Variants in RXFP1 observed in about 807,000 individuals in gnomAD.
RXFP1 encodes the protein relaxin receptor 1.
RXFP1 carries 73 observed loss-of-function variants against 89.8 expected under a neutral mutation model. The observed-to-expected ratio is 0.81, with a 90% confidence interval of 0.67 to 0.99. The LOEUF (loss-of-function observed/expected upper bound fraction) is 0.99. RXFP1 is among the 50% of genes least tolerant of loss of function. The pLI is 0.00. For missense variants in RXFP1, 793 were observed against 895.5 expected (o/e 0.89, Z 1.46); for synonymous variants, 277 against 305.5 (o/e 0.91, Z 0.97).
At chr4:158,590,954 C>T (rs1169867492) in intron 2 of RXFP1, among the ~76,000 whole-genome samples, 2 of 152,158 alleles carry the variant, frequency 1.3e-5, no homozygotes, top group Non-Finnish European at 2.9e-5. Flanking sequence ...GAAGCATTTG[C>T]TTCTGTCACA....
chr4:158,617,886 C>T (rs1337598320), intron 9 of RXFP1, among the ~76,000 whole-genome samples: 1 of 152,058 alleles, frequency 6.6e-6, no homozygotes, highest in Non-Finnish European at 1.5e-5. Context: ...TTTCTAAGCT[C>T]ATAGCAGATT....
intron 4 of RXFP1, among the ~76,000 whole-genome samples, chr4:158,603,664 G>A (rs1454395056): frequency 6.6e-6 from 1 of 151,910 alleles, no homozygotes; most frequent in East Asian, 1.9e-4. Context: ...GGCCGAGGCA[G>A]GTGGATCACA....
intron 15 of RXFP1, chr4:158,646,445 T>G: frequency 2.4e-6 from 3 of 1,244,742 alleles, no homozygotes; most frequent in Non-Finnish European, 2.1e-6. Flanking sequence ...TCTGAGTCCC[T>G]AACTGAATGC....
chr4:158,607,962 A>AT lies in RXFP1; in HGVS notation c.465-6dup, dbSNP rs1187213898. On this transcript the variant is annotated splice_polypyrimidine_tract_variant and intron_variant, in intron 5 of 17. Transcript: ENST00000307765. ...TCATTTTTTTTTCTTTTTAATAATCATTTTCACAGGTACCTGCAAAACAAT... is the reference window on the plus strand; with the variant it reads ...TCATTTTTTTTTCTTTTTAATAATCATTTTTCACAGGTACCTGCAAAACAAT... 2 of 1,579,412 alleles carry AT rather than the reference A, an allele frequency of 1.3e-6. No individual in the cohort carries two copies. The highest frequency in any genetic ancestry group is 1.4e-5 in the African/African-American group (1 of 72,902).
At position 158,647,650 on chromosome 4, in the gene RXFP1, CT is replaced by C. The variant is rs1771821952; in HGVS notation, c.1756+451del. Among the ~76,000 whole-genome samples the C allele has an allele frequency of 3.3e-5, 5 of 152,166 alleles. No homozygotes were observed. In the South Asian group the frequency reaches 1.0e-3, roughly 32 times the overall value. On this transcript the variant is annotated intron_variant, in intron 16 of 17. Coordinates refer to ENST00000307765, the MANE Select transcript of RXFP1 (RefSeq NM_021634.4). ...TTGGGAGGCCAAGGTGGGAGGATCA[CT>C]TGAGGCCAGGAGTTGAGACCAGCCT...
chr4:158,620,612 T>A (rs11100191), intron 9 of RXFP1, among the ~76,000 whole-genome samples: 14 of 151,800 alleles, frequency 9.2e-5, no homozygotes, highest in Non-Finnish European at 1.8e-4. Context: ...AACTTTTTTT[T>A]AAAAGCCAGA....
intron 2 of RXFP1, among the ~76,000 whole-genome samples, chr4:158,592,302 G>A (rs1267525788): frequency 6.6e-6 from 1 of 152,180 alleles, no homozygotes; most frequent in Non-Finnish European, 1.5e-5. Flanking sequence ...GGCCAGGCAT[G>A]GTGGCTTACA....
At chr4:158,568,212 G>A (rs572282437) in intron 1 of RXFP1, among the ~76,000 whole-genome samples, 1 of 152,316 alleles carries the variant, frequency 6.6e-6, no homozygotes, top group Admixed American at 6.5e-5. Context: ...TCTAAGAACT[G>A]TTAACACTCA....
At chr4:158,521,770 A>C (rs551366466), upstream of RXFP1, 1 of 531,388 alleles carries the variant, frequency 1.9e-6, no homozygotes, top group Admixed American at 3.7e-5. Flanking sequence ...CGGGGAGGAG[A>C]GATCCTGAGA....
chr4:158,612,000 C>A, intron 6 of RXFP1, 130 bp from the exon 7 acceptor site: 1 of 678,306 alleles, frequency 1.5e-6, no homozygotes, highest in South Asian at 2.1e-5. Context: ...CTTAGAGATT[C>A]AAAGGCAGGG....
At chr4:158,579,375 T>A (rs1756888308) in intron 2 of RXFP1, among the ~76,000 whole-genome samples, 1 of 152,162 alleles carries the variant, frequency 6.6e-6, no homozygotes, top group Non-Finnish European at 1.5e-5. Context: ...TTCAAGCAAT[T>A]CTCCTGCCTC....
intron 1 of RXFP1, among the ~76,000 whole-genome samples, chr4:158,536,261 T>A (rs1343383078): frequency 6.6e-6 from 1 of 152,186 alleles, no homozygotes; most frequent in East Asian, 1.9e-4. Context: ...AGAATATAAT[T>A]TTACTCTCTC....
intron 17 of RXFP1, among the ~76,000 whole-genome samples, chr4:158,650,486 T>C (rs568010899): frequency 6.6e-6 from 1 of 150,936 alleles, no homozygotes; most frequent in Non-Finnish European, 1.5e-5. Context: ...AATTTTCATG[T>C]AGCAGGGCGC....
intron 1 of RXFP1, among the ~76,000 whole-genome samples, chr4:158,537,321 C>G (rs1293275639): frequency 6.6e-6 from 1 of 152,028 alleles, no homozygotes; most frequent in Non-Finnish European, 1.5e-5. Flanking sequence ...CTTTCCTTCC[C>G]TTGTCCCCCC....
chr4:158,636,549 T>C (rs373254882), intron 12 of RXFP1, among the ~76,000 whole-genome samples: 3 of 152,344 alleles, frequency 2.0e-5, no homozygotes, highest in East Asian at 3.9e-4. Flanking sequence ...GGCACTGTTC[T>C]AAGTGTTTTA....
At chr4:158,629,950 G>A (rs1440544916) in intron 11 of RXFP1, among the ~76,000 whole-genome samples, 1 of 152,142 alleles carries the variant, frequency 6.6e-6, no homozygotes, top group Non-Finnish European at 1.5e-5. Context: ...GAAAGAATCT[G>A]AATGTGGACA....
chr4:158,606,445 C>T (rs9942149), intron 5 of RXFP1, among the ~76,000 whole-genome samples: 33,800 of 152,098 alleles, frequency 0.22, 5,547 homozygotes, highest in African/African-American at 0.46. Context: ...AAAGTCTATA[C>T]CTTTAGACCT....
intron 2 of RXFP1, among the ~76,000 whole-genome samples, chr4:158,591,898 T>G (rs1363535832): frequency 6.6e-6 from 1 of 152,134 alleles, no homozygotes; most frequent in Non-Finnish European, 1.5e-5. Flanking sequence ...AGGAAAAAAT[T>G]TAGAAGGTCT....
intron 10 of RXFP1, 70 bp from the exon 11 acceptor site, chr4:158,628,568 C>G: frequency 5.9e-6 from 4 of 672,404 alleles, no homozygotes. Flanking sequence ...TTCTGCATAC[C>G]GTTCCTCTCT....
Sources: allele counts gnomAD v4.1 joint callset (sites outside exome capture counted in the v4.1 genomes callset), GRCh38; gene constraint gnomAD v4.1.1; transcripts MANE v1.5; gene names NCBI Gene and HGNC (gene_info 2026-07-23, HGNC 2026-07-21).